PTGER3: variants seen among roughly 807,000 people sequenced by gnomAD.
PTGER3 encodes prostaglandin E2 receptor EP3 subtype.
In PTGER3, 22 loss-of-function variants were observed where a neutral mutation model predicts 34.7. That is an observed-to-expected ratio of 0.63 (90% CI 0.45 to 0.91). The LOEUF is 0.91. PTGER3 is among the 40% of genes least tolerant of loss of function. The probability of loss-of-function intolerance (pLI) is 0.00; values close to 1 mark genes in which losing one functional copy is unlikely to be tolerated. For missense variants in PTGER3, 468 were observed against 519.4 expected, an observed-to-expected ratio of 0.90 and a Z score of 0.96; for synonymous variants, 241 against 230.1, an observed-to-expected ratio of 1.05 and a Z score of -0.43.
chr1:70,901,534 T>C (rs1373426697), intron 4 of PTGER3, among the ~76,000 whole-genome samples: 2 of 152,220 alleles, frequency 1.3e-5, no homozygotes, highest in Non-Finnish European at 2.9e-5. Flanking sequence ...ATTAACTGAT[T>C]TATCCACCTT....
At chr1:71,008,526 T>C in intron 2 of PTGER3, 2 of 951,060 alleles carry the variant, frequency 2.1e-6, no homozygotes, top group Non-Finnish European at 2.5e-6. Context: ...AATACTGAAC[T>C]GATGTCAGCT....
rs1300316355 is a variant in PTGER3, at chr1:70,982,683, T to C, written c.1078-8295A>G. On this transcript the variant is annotated intron_variant, in intron 2 of 3. Transcript: ENST00000306666. ...TTCCTCTCTGTCTCCCACTCCATATTTGCAGAGCTAAAAAATTTACTGTCC... is the reference window on the plus strand; with the variant it reads ...TTCCTCTCTGTCTCCCACTCCATATCTGCAGAGCTAAAAAATTTACTGTCC... 3.9e-5 allele frequency among the ~76,000 whole-genome samples: 6 copies of C among 152,164 alleles called. No individual in the cohort carries two copies. In the East Asian group the frequency reaches 1.2e-3, roughly 29 times the overall value.
At chr1:70,922,755 C>T (rs1319429768) in intron 4 of PTGER3, among the ~76,000 whole-genome samples, 1 of 151,992 alleles carries the variant, frequency 6.6e-6, no homozygotes, top group Admixed American at 6.6e-5. Context: ...TATAAGAAGT[C>T]TTGGGAATAT....
At chr1:71,001,941 A>G (rs919280055) in intron 2 of PTGER3, among the ~76,000 whole-genome samples, 9 of 152,170 alleles carry the variant, frequency 5.9e-5, no homozygotes, top group African/African-American at 2.2e-4. Context: ...ACAAAGTAAC[A>G]CTAACCACTT....
intron 2 of PTGER3, chr1:71,006,751 C>A: frequency 1.0e-6 from 1 of 985,206 alleles, no homozygotes; most frequent in Non-Finnish European, 1.2e-6. Context: ...TTACATTGTG[C>A]TATTATTTGA....
chr1:70,929,530 G>A (rs1648491471), intron 4 of PTGER3, among the ~76,000 whole-genome samples: 1 of 152,132 alleles, frequency 6.6e-6, no homozygotes, highest in Non-Finnish European at 1.5e-5. Context: ...GTAATACACA[G>A]CACTCTGTGT....
exon 4 of PTGER3, chr1:70,953,017 C>T: frequency 1.2e-6 from 2 of 1,611,190 alleles, no homozygotes; most frequent in Non-Finnish European, 1.7e-6. Context: ...CCACAATGTG[C>T]AGTTGCCCTC....
intron 4 of PTGER3, among the ~76,000 whole-genome samples, chr1:70,935,233 A>G (rs1480602209): frequency 1.3e-5 from 2 of 152,184 alleles, no homozygotes; most frequent in East Asian, 1.9e-4. Flanking sequence ...CTCATTGTCA[A>G]TGACATCAGC....
chr1:70,953,024 C>T (rs1302728632), exon 4 of PTGER3: 6 of 1,609,934 alleles, frequency 3.7e-6, no homozygotes, highest in South Asian at 1.1e-5. Context: ...GTGCAGTTGC[C>T]CTCTGTATCT....
intron 4 of PTGER3, chr1:70,886,141 A>C: frequency 3.8e-6 from 1 of 265,226 alleles, no homozygotes; most frequent in South Asian, 3.2e-5. Flanking sequence ...TGGGTCATGA[A>C]GGTGAGACCC....
intron 1 of PTGER3, among the ~76,000 whole-genome samples, chr1:71,023,173 A>C (rs867376311): frequency 4.6e-5 from 7 of 151,866 alleles, no homozygotes; most frequent in South Asian, 2.1e-4. Context: ...CTGTGTTCAC[A>C]AATCCTCAGA....
At chr1:71,046,285 C>CA (rs34411077) in intron 1 of PTGER3, among the ~76,000 whole-genome samples, 47,873 of 81,348 alleles carry the variant, frequency 0.59, 13,593 homozygotes, top group Middle Eastern at 0.66. Flanking sequence ...GACTCCGTCT[C>CA]AAAAAAAAAA....
At chr1:71,023,062 C>G (rs1256703821) in intron 1 of PTGER3, among the ~76,000 whole-genome samples, 4 of 151,798 alleles carry the variant, frequency 2.6e-5, no homozygotes, top group South Asian at 2.1e-4. Context: ...TCTCACCTAC[C>G]TACATATAGA....
intron 2 of PTGER3, among the ~76,000 whole-genome samples, chr1:70,995,205 G>A (rs1023214251): frequency 9.9e-5 from 15 of 152,130 alleles, no homozygotes; most frequent in African/African-American, 3.6e-4. Flanking sequence ...TAACATTTAA[G>A]CAAAGTAAAC....
chr1:71,041,176 C>T (rs919569170), intron 1 of PTGER3, among the ~76,000 whole-genome samples: 1 of 152,142 alleles, frequency 6.6e-6, no homozygotes, highest in African/African-American at 2.4e-5. Context: ...ATCAAAGATG[C>T]GTTTAATACG....
chr1:70,962,471 C>T (rs1652034659), intron 2 of PTGER3, among the ~76,000 whole-genome samples: 1 of 151,698 alleles, frequency 6.6e-6, no homozygotes, highest in African/African-American at 2.4e-5. Flanking sequence ...ATACCTGAGA[C>T]TGGGCAATCT....
chr1:70,982,794 T>C (rs2256385), intron 2 of PTGER3, among the ~76,000 whole-genome samples: 92,464 of 151,594 alleles, frequency 0.61, 28,435 homozygotes, highest in Middle Eastern at 0.65. Context: ...TTTTTCATTT[T>C]CTCCTTCCTC....
intron 2 of PTGER3, among the ~76,000 whole-genome samples, chr1:70,989,743 A>G (rs1291835177): frequency 6.6e-6 from 1 of 152,184 alleles, no homozygotes; most frequent in East Asian, 1.9e-4. Flanking sequence ...TCAACCCAGA[A>G]TCAAGCATCC....
chr1:70,865,971 A>T, intron 4 of PTGER3: 2 of 420,730 alleles, frequency 4.8e-6, no homozygotes, highest in Non-Finnish European at 4.1e-6. Context: ...TTCAAAGTTC[A>T]ACTCAAGCAC....
Sources: gnomAD v4.1 joint callset for allele counts (sites outside exome capture counted in the v4.1 genomes callset) on GRCh38, gnomAD v4.1.1 for gene constraint, MANE v1.5 for transcripts, NCBI Gene and HGNC (gene_info 2026-07-23, HGNC 2026-07-21) for gene names.